SRBD1: variants seen among roughly 807,000 people sequenced by gnomAD.
SRBD1 encodes the protein S1 RNA binding domain 1.
SRBD1 carries 88 observed loss-of-function variants against 115.3 expected under a neutral mutation model. That is an observed-to-expected ratio of 0.76 (90% confidence interval 0.64 to 0.91). The LOEUF (loss-of-function observed/expected upper bound fraction) is 0.91. SRBD1 is among the 40% of genes least tolerant of loss of function. The pLI is 0.00. For missense variants in SRBD1, 1,385 were observed against 1,177.4 expected, an observed-to-expected ratio of 1.18 and a Z score of -2.58; for synonymous variants, 509 against 407.7, an observed-to-expected ratio of 1.25 and a Z score of -2.99.
At chr2:45,407,700 GAC>G (rs1370885344) in intron 19 of SRBD1, among the ~76,000 whole-genome samples, 1 of 152,038 alleles carries the variant, frequency 6.6e-6, no homozygotes, top group Non-Finnish European at 1.5e-5. Context: ...GGGATCTCAA[GAC>G]ACAACTTGCA....
At chr2:45,414,365 A>G (rs1667697499) in intron 18 of SRBD1, among the ~76,000 whole-genome samples, 1 of 150,086 alleles carries the variant, frequency 6.7e-6, no homozygotes, top group Non-Finnish European at 1.5e-5. Context: ...AAAACTGATT[A>G]AATTAAATAA....
intron 4 of SRBD1, among the ~76,000 whole-genome samples, chr2:45,589,320 A>G (rs930328954): frequency 6.6e-6 from 1 of 152,136 alleles, no homozygotes; most frequent in Non-Finnish European, 1.5e-5. Context: ...TATTAATCCA[A>G]ATAAGTAAAA....
chr2:45,426,536 C>A (rs1312546918), intron 16 of SRBD1, among the ~76,000 whole-genome samples: 5 of 152,186 alleles, frequency 3.3e-5, no homozygotes, highest in Non-Finnish European at 7.3e-5. Flanking sequence ...GGGTTCCTGA[C>A]CCCCATGCCT....
At chr2:45,609,673 C>A (rs1674384274) in intron 1 of SRBD1, among the ~76,000 whole-genome samples, 1 of 152,156 alleles carries the variant, frequency 6.6e-6, no homozygotes, top group Non-Finnish European at 1.5e-5. Context: ...GTACTCTCTG[C>A]CTGGAGTATT....
At chr2:45,606,305 A>G (rs1674272143) in intron 1 of SRBD1, among the ~76,000 whole-genome samples, 1 of 152,008 alleles carries the variant, frequency 6.6e-6, no homozygotes, top group Non-Finnish European at 1.5e-5. Flanking sequence ...GATTACAGGC[A>G]TGCGCCAACA....
At chr2:45,458,612 T>C (rs965246011) in intron 16 of SRBD1, among the ~76,000 whole-genome samples, 4 of 152,164 alleles carry the variant, frequency 2.6e-5, no homozygotes, top group Non-Finnish European at 4.4e-5. Flanking sequence ...CATATCCTTC[T>C]TCATCAGAAC....
At chr2:45,422,412 C>T (rs923785065) in intron 16 of SRBD1, among the ~76,000 whole-genome samples, 1 of 152,102 alleles carries the variant, frequency 6.6e-6, no homozygotes, top group Non-Finnish European at 1.5e-5. Flanking sequence ...GGTTAAAATC[C>T]ATGTTTTTCA....
At chr2:45,604,814 A>T (rs1381281652) in intron 2 of SRBD1, among the ~76,000 whole-genome samples, 1 of 152,124 alleles carries the variant, frequency 6.6e-6, no homozygotes, top group Non-Finnish European at 1.5e-5. Context: ...TATAGTACTT[A>T]TTACTATAAA....
chr2:45,438,491 T>A (rs1175186974), intron 16 of SRBD1, among the ~76,000 whole-genome samples: 1 of 152,096 alleles, frequency 6.6e-6, no homozygotes, highest in South Asian at 2.1e-4. Flanking sequence ...AAGGCAAATA[T>A]GGTCCCAAAT....
chr2:45,606,396 G>T (rs906138437), intron 1 of SRBD1, among the ~76,000 whole-genome samples: 1 of 152,102 alleles, frequency 6.6e-6, no homozygotes, highest in African/African-American at 2.4e-5. Flanking sequence ...CCGACCTCAG[G>T]TGATCCGCCC....
chr2:45,562,375 C>T (rs1034037993), intron 10 of SRBD1, among the ~76,000 whole-genome samples: 4 of 152,038 alleles, frequency 2.6e-5, no homozygotes, highest in African/African-American at 9.7e-5. Flanking sequence ...TACAGGTGTG[C>T]ACCACCATGC....
At chr2:45,609,803 G>C (rs1379836300) in intron 1 of SRBD1, among the ~76,000 whole-genome samples, 1 of 152,222 alleles carries the variant, frequency 6.6e-6, no homozygotes, top group Non-Finnish European at 1.5e-5. Flanking sequence ...GTATACAGTA[G>C]GTTATAACAC....
At chr2:45,423,638 C>T (rs1277240395) in intron 16 of SRBD1, among the ~76,000 whole-genome samples, 2 of 152,000 alleles carry the variant, frequency 1.3e-5, no homozygotes, top group Non-Finnish European at 2.9e-5. Flanking sequence ...AACACCAATC[C>T]TTCTCAAACT....
In SRBD1 at chr2:45,493,942, C is replaced by A. The variant is rs1049985985; in HGVS notation, c.1875-5611G>T. On this transcript the variant is annotated intron_variant, in intron 14 of 20. Transcript: ENST00000263736. ...TTGGATGGTAAATTGAAAATCAGATCAAAAATCACAAAAATGTACATTCTC... is the reference window on the plus strand; with the variant it reads ...TTGGATGGTAAATTGAAAATCAGATAAAAAATCACAAAAATGTACATTCTC... 9.2e-5 allele frequency among the ~76,000 whole-genome samples: 14 copies of A among 151,926 alleles called. No homozygotes were observed. In the South Asian group the frequency reaches 1.2e-3, roughly 14 times the overall value.
rs1387105397 is a variant in SRBD1, at chr2:45,547,611, A to G, written c.1677T>C (p.Ser559=). The G allele has an allele frequency of 6.2e-7, 1 of 1,606,334 alleles. No individual in the cohort carries two copies. Among genetic ancestry groups the G allele is most frequent in the East Asian group, 2.2e-5 (1 of 44,776 alleles). ...GCKLAIISPT[S]QILHTDVVYL... ...AAACCACATCAGTATGAAGTATCTGACCTTTAAAAAATGAAAAGAATAAGC... is the reference window on the plus strand; with the variant it reads ...AAACCACATCAGTATGAAGTATCTGGCCTTTAAAAAATGAAAAGAATAAGC... The change falls in exon 13 of 21, where the codon AGT becomes AGC. Residue 559 remains serine, a splice_region_variant and synonymous_variant. Transcript: ENST00000263736.
intron 16 of SRBD1, among the ~76,000 whole-genome samples, chr2:45,469,632 C>T (rs1402363710): frequency 6.6e-6 from 1 of 152,054 alleles, no homozygotes; most frequent in African/African-American, 2.4e-5. Flanking sequence ...ACATAGGAAG[C>T]ATAATTCATC....
chr2:45,486,763 T>A (rs1670134755), intron 15 of SRBD1, among the ~76,000 whole-genome samples: 1 of 149,806 alleles, frequency 6.7e-6, no homozygotes. Context: ...ATAAAATAAA[T>A]AAATAAATAA....
At chr2:45,477,966 CT>C (rs61688104) in intron 15 of SRBD1, among the ~76,000 whole-genome samples, 28 of 148,090 alleles carry the variant, frequency 1.9e-4, no homozygotes, top group South Asian at 1.5e-3. Context: ...ATTTATTGTC[CT>C]TTTTTTTTTT....
intron 14 of SRBD1, among the ~76,000 whole-genome samples, chr2:45,529,132 T>C (rs1558457182): frequency 6.6e-6 from 1 of 152,022 alleles, no homozygotes; most frequent in East Asian, 1.9e-4. Flanking sequence ...GGCTTAACTG[T>C]AGAGAGGATT....
Sources: allele counts gnomAD v4.1 joint callset (sites outside exome capture counted in the v4.1 genomes callset), GRCh38; gene constraint gnomAD v4.1.1; transcripts MANE v1.5; gene names NCBI Gene and HGNC (gene_info 2026-07-23, HGNC 2026-07-21).